Variants in CPM observed in about 807,000 individuals in gnomAD.
The protein encoded by CPM is carboxypeptidase M.
In CPM, 35 loss-of-function variants were observed where a neutral mutation model predicts 46.4. The ratio of observed to expected loss-of-function variants is 0.75; its 90% CI spans 0.58 to 1.00. The LOEUF (loss-of-function observed/expected upper bound fraction) is 1.00. CPM is among the 50% of genes least tolerant of loss of function. CPM has a pLI of 0.00. For missense variants in CPM, 422 were observed against 530.4 expected, an observed-to-expected ratio of 0.80 and a Z score of 2.01; for synonymous variants, 195 against 195.3, an observed-to-expected ratio of 1.00 and a Z score of 0.01.
chr12:68,907,978 G>A (rs542466027), intron 2 of CPM, among the ~76,000 whole-genome samples: 10 of 152,180 alleles, frequency 6.6e-5, no homozygotes, highest in East Asian at 3.9e-4. Flanking sequence ...ACAGGCTCCC[G>A]CCACCACACC....
intron 7 of CPM, among the ~76,000 whole-genome samples, chr12:68,863,084 C>A (rs1318744082): frequency 6.6e-6 from 1 of 152,160 alleles, no homozygotes; most frequent in African/African-American, 2.4e-5. Context: ...TGGGACAGTA[C>A]TTAGGAGACT....
intron 1 of CPM, among the ~76,000 whole-genome samples, chr12:68,943,719 A>G (rs914647969): frequency 6.6e-6 from 1 of 152,228 alleles, no homozygotes; most frequent in Non-Finnish European, 1.5e-5. Flanking sequence ...AGTCCTATTT[A>G]GCTGCATTTA....
chr12:68,909,769 A>T (rs567662987), intron 2 of CPM, among the ~76,000 whole-genome samples: 13 of 143,096 alleles, frequency 9.1e-5, no homozygotes, highest in Non-Finnish European at 1.7e-4. Flanking sequence ...CTCACTCATA[A>T]GTAGGAGTTG....
At chr12:68,931,678 G>A (rs535216366) in intron 2 of CPM, among the ~76,000 whole-genome samples, 26 of 146,772 alleles carry the variant, frequency 1.8e-4, no homozygotes, top group African/African-American at 6.1e-4. Context: ...TCAGGAAGCC[G>A]GAGGTTGCAG....
At chr12:68,942,992 A>C (rs1298910510) in intron 1 of CPM, among the ~76,000 whole-genome samples, 1 of 152,370 alleles carries the variant, frequency 6.6e-6, no homozygotes, top group East Asian at 1.9e-4. Flanking sequence ...TGAGTGAAGC[A>C]TCAAATGGTG....
rs76545040 is a variant in CPM, at chr12:68,911,710, G to A, written c.160+20968C>T. On this transcript the variant is annotated intron_variant, in intron 2 of 8. Transcript: ENST00000551568. ...AGCACTTATGTGCCAATCATATTCT[G>A]AGCACTTTATGTTTATTAACTTATT... Among the ~76,000 whole-genome samples the A allele has an allele frequency of 9.4e-3, 1,433 of 152,264 alleles. 20 individuals are homozygous for A. The highest frequency in any genetic ancestry group is 0.033 in the African/African-American group (1,374 of 41,540).
At chr12:68,928,470 A>T (rs1162935513) in intron 2 of CPM, among the ~76,000 whole-genome samples, 1 of 152,214 alleles carries the variant, frequency 6.6e-6, no homozygotes. Context: ...TCTAATACTT[A>T]GCTATGTTAT....
chr12:68,915,209 C>A (rs958745497), intron 2 of CPM, among the ~76,000 whole-genome samples: 5 of 152,216 alleles, frequency 3.3e-5, no homozygotes, highest in Middle Eastern at 3.4e-3. Flanking sequence ...GTTCTTTGAA[C>A]AATCTATTTT....
At chr12:68,955,695 C>T (rs556511564) in intron 1 of CPM, among the ~76,000 whole-genome samples, 5 of 152,188 alleles carry the variant, frequency 3.3e-5, no homozygotes, top group South Asian at 2.1e-4. Flanking sequence ...AGCTCCTATC[C>T]GCAGACAGGT....
chr12:68,885,453 C>T (rs754399003), intron 3 of CPM, among the ~76,000 whole-genome samples: 2 of 152,138 alleles, frequency 1.3e-5, no homozygotes, highest in Non-Finnish European at 2.9e-5. Flanking sequence ...TTCATGCTGA[C>T]CAGGAGGTGG....
chr12:68,870,481 G>T, intron 4 of CPM, 82 bp from the exon 5 acceptor site: 1 of 1,265,782 alleles, frequency 7.9e-7, no homozygotes, highest in Non-Finnish European at 1.1e-6. Flanking sequence ...TTTGGTTTAG[G>T]CTCCAGGTGT....
rs1188610798 is a variant in CPM at position 68,866,823 on chromosome 12, T to C, written c.940+73A>G. 2.3e-6 allele frequency: 3 copies of C among 1,297,328 alleles called. No homozygotes were observed. The African/African-American group carries it at 4.5e-5, about 19-fold the overall frequency. 80.4% of individuals were successfully genotyped at this position (1,297,328 alleles called of 1,614,324 possible). ...ACAAAGCATAAATAAAGGCTTGCGT[T>C]TAGTCAACCCAGAGGTCTTGCCAGA... On this transcript the variant is annotated intron_variant, in intron 7 of 8. Coordinates refer to ENST00000551568, the MANE Select transcript of CPM (RefSeq NM_198320.5).
chr12:68,844,523 G>A (rs962581315), intron 5 of CPM: 1 of 228,790 alleles, frequency 4.4e-6, no homozygotes, highest in East Asian at 6.2e-5. Context: ...GTTTGGGCTA[G>A]CCACCGTACC....
chr12:68,922,135 T>C (rs531799594), intron 2 of CPM, among the ~76,000 whole-genome samples: 1 of 152,242 alleles, frequency 6.6e-6, no homozygotes, highest in South Asian at 2.1e-4. Flanking sequence ...GCCCAGGGAA[T>C]AGAAAAAGGC....
chr12:68,921,708 T>C (rs1025256446), intron 2 of CPM, among the ~76,000 whole-genome samples: 7 of 152,150 alleles, frequency 4.6e-5, no homozygotes, highest in African/African-American at 1.7e-4. Flanking sequence ...CTCTCTAAGT[T>C]ATCATATTAT....
At chr12:68,857,367 G>T (rs1298383309) in intron 8 of CPM, among the ~76,000 whole-genome samples, 1 of 151,816 alleles carries the variant, frequency 6.6e-6, no homozygotes, top group Non-Finnish European at 1.5e-5. Flanking sequence ...TCACCACATT[G>T]GCCAGGCTGG....
At chr12:68,883,300 G>C (rs543581073) in intron 3 of CPM, among the ~76,000 whole-genome samples, 1 of 152,166 alleles carries the variant, frequency 6.6e-6, no homozygotes, top group Non-Finnish European at 1.5e-5. Context: ...AGGAAAAAGG[G>C]GGTTGTTATA....
chr12:68,892,711 T>G (rs1482718489), intron 2 of CPM, among the ~76,000 whole-genome samples: 1 of 151,796 alleles, frequency 6.6e-6, no homozygotes, highest in African/African-American at 2.4e-5. Flanking sequence ...AATACAAAAT[T>G]AGCTGGGCGT....
intron 2 of CPM, among the ~76,000 whole-genome samples, chr12:68,909,546 T>C (rs958600647): frequency 1.8e-4 from 28 of 152,092 alleles, no homozygotes; most frequent in African/African-American, 5.1e-4. Flanking sequence ...CATATGTTTA[T>C]TGCAGCACTA....
Sources: allele counts gnomAD v4.1 joint callset (sites outside exome capture counted in the v4.1 genomes callset), GRCh38; gene constraint gnomAD v4.1.1; transcripts MANE v1.5; gene names NCBI Gene and HGNC (gene_info 2026-07-23, HGNC 2026-07-21).